CDH2: variants seen among roughly 807,000 people sequenced by gnomAD.
CDH2 encodes cadherin 2.
In CDH2, 17 loss-of-function variants were observed where a neutral mutation model predicts 92.0. The ratio of observed to expected loss-of-function variants is 0.18; its 90% CI spans 0.13 to 0.28. The LOEUF is 0.28. Ranked by LOEUF, CDH2 falls within the 10% of genes least tolerant of loss-of-function variation. The pLI, the probability that CDH2 is intolerant of heterozygous loss-of-function variation, is 1.00. For missense variants in CDH2, 862 were observed against 1,133.1 expected (o/e 0.76, Z 3.44); for synonymous variants, 419 against 415.9 (o/e 1.01, Z -0.09).
chr18:28,161,928 G>A (rs1426591944), intron 1 of CDH2, among the ~76,000 whole-genome samples: 1 of 152,128 alleles, frequency 6.6e-6, no homozygotes, highest in African/African-American at 2.4e-5. Context: ...TGCAAATATT[G>A]TTAAGCTATA....
At position 27,993,469 on chromosome 18, in the gene CDH2, CA is replaced by C. The variant is rs780032271; in HGVS notation, c.1158+30del. On this transcript the variant is annotated intron_variant, in intron 8 of 15. Transcript: ENST00000269141. Reference sequence around the variant, plus strand: ...CCTTCTCAGTAACGAACTACAGACCCAAAGTTGTGTGAGTGACAGGCTGTAC... The same window carrying C: ...CCTTCTCAGTAACGAACTACAGACCCAAGTTGTGTGAGTGACAGGCTGTAC... 5 of 1,601,828 alleles carry C rather than the reference CA, an allele frequency of 3.1e-6. No homozygotes were observed. In the South Asian group the frequency reaches 5.6e-5, roughly 18 times the overall value.
rs752851015 is a variant in CDH2 at position 27,985,247 on chromosome 18, G to A, written c.1976-14C>T. The A allele has an allele frequency of 1.4e-6, 2 of 1,452,240 alleles. No individual in the cohort carries two copies. Among genetic ancestry groups the A allele is most frequent in the Admixed American group, 3.4e-5 (2 of 58,458 alleles). 90.0% of individuals were successfully genotyped at this position (1,452,240 alleles called of 1,614,324 possible). On this transcript the variant is annotated splice_polypyrimidine_tract_variant and intron_variant, in intron 12 of 15. Coordinates refer to ENST00000269141, the MANE Select transcript of CDH2 (RefSeq NM_001792.5). ...GAGCAAAATCACCTATATGAAAAAG[G>A]AAAAACATAGTTTGATAGGTAATAC...
At chr18:27,964,599 A>G (rs557292514) in intron 14 of CDH2, among the ~76,000 whole-genome samples, 3 of 152,282 alleles carry the variant, frequency 2.0e-5, no homozygotes, top group Middle Eastern at 3.4e-3. Context: ...AGTTATCTCT[A>G]GAGTGATTTT....
In CDH2 at chr18:28,009,726, G is replaced by A. The variant is rs777849720; in HGVS notation, c.693C>T (p.Ala231=). 5 of 1,613,514 alleles carry A rather than the reference G, an allele frequency of 3.1e-6. No individual in the cohort carries two copies. The highest frequency in any genetic ancestry group is 1.1e-5 in the South Asian group (1 of 91,014). The change falls in exon 5 of 16, where the codon GCC becomes GCT. Residue 231 remains alanine (A), a synonymous_variant. Transcript: ENST00000269141. ...CTGGTTGGAATCTTACATGAAACCG[G>A]GCTATCTGCTCGCGATCCAGGGGCT... The part of the protein sequence containing the change: ...VTKPLDREQI[A]RFHLRAHAVD...
intron 1 of CDH2, among the ~76,000 whole-genome samples, chr18:28,162,535 C>T (rs1450124595): frequency 6.6e-6 from 1 of 152,082 alleles, no homozygotes; most frequent in Non-Finnish European, 1.5e-5. Flanking sequence ...GGTAGCCTAT[C>T]CTGCATCTGG....
At chr18:28,161,185 T>C (rs2016301306) in intron 1 of CDH2, among the ~76,000 whole-genome samples, 1 of 152,194 alleles carries the variant, frequency 6.6e-6, no homozygotes, top group African/African-American at 2.4e-5. Context: ...AGAAACAATT[T>C]CACCTGGATG....
At chr18:27,954,926 C>T (rs894965188) in intron 15 of CDH2, among the ~76,000 whole-genome samples, 1 of 152,114 alleles carries the variant, frequency 6.6e-6, no homozygotes, top group Non-Finnish European at 1.5e-5. Context: ...TAACCAACAG[C>T]GGATTGCCTT....
chr18:28,007,168 ATAT>A (rs1567961279), intron 5 of CDH2, among the ~76,000 whole-genome samples: 24 of 130,082 alleles, frequency 1.8e-4, no homozygotes, highest in African/African-American at 5.7e-4. Flanking sequence ...AAAAAAAAAT[ATAT>A]ATATATATAT....
chr18:28,106,295 T>C (rs1171140450), intron 2 of CDH2, among the ~76,000 whole-genome samples: 5 of 152,072 alleles, frequency 3.3e-5, no homozygotes, highest in Non-Finnish European at 7.4e-5. Flanking sequence ...TGTGCACCTG[T>C]AGTCCCAGCT....
intron 15 of CDH2, among the ~76,000 whole-genome samples, chr18:27,958,347 A>G (rs1017814507): frequency 2.6e-5 from 4 of 152,076 alleles, no homozygotes; most frequent in Non-Finnish European, 5.9e-5. Context: ...GTTTTAAACA[A>G]TATTAATGAA....
chr18:27,936,667 C>T (rs1002916218), intron 6 of CDH2, among the ~76,000 whole-genome samples: 9 of 152,158 alleles, frequency 5.9e-5, no homozygotes, highest in Non-Finnish European at 1.3e-4. Flanking sequence ...GTAGCTGAGA[C>T]TTCAGACATG....
intron 2 of CDH2, among the ~76,000 whole-genome samples, chr18:28,132,054 G>C (rs1207155392): frequency 6.6e-6 from 1 of 152,126 alleles, no homozygotes; most frequent in Non-Finnish European, 1.5e-5. Context: ...AAAAAGCACA[G>C]CAGTATGGAC....
intron 2 of CDH2, among the ~76,000 whole-genome samples, chr18:28,075,148 A>G (rs1237482250): frequency 1.3e-5 from 2 of 152,164 alleles, no homozygotes; most frequent in Non-Finnish European, 2.9e-5. Context: ...ATACAACATG[A>G]AGTAAGACAC....
chr18:28,097,335 C>T (rs916040642), intron 2 of CDH2: 1 of 150,462 alleles, frequency 6.6e-6, no homozygotes, highest in African/African-American at 2.5e-5. Flanking sequence ...TTACAATATT[C>T]CAAAGGAAAT....
At chr18:27,971,731 A>G (rs2011665680) in intron 14 of CDH2, among the ~76,000 whole-genome samples, 1 of 152,162 alleles carries the variant, frequency 6.6e-6, no homozygotes, top group Admixed American at 6.5e-5. Flanking sequence ...AATATATAAC[A>G]GTGTTTGCAG....
chr18:28,004,632 A>C (rs2012863216), intron 6 of CDH2, among the ~76,000 whole-genome samples: 2 of 152,208 alleles, frequency 1.3e-5, no homozygotes, highest in African/African-American at 4.8e-5. Context: ...AAATAATATA[A>C]AAAAATTTCC....
At chr18:28,132,617 C>A (rs1346388245) in intron 2 of CDH2, among the ~76,000 whole-genome samples, 1 of 152,164 alleles carries the variant, frequency 6.6e-6, no homozygotes, top group Non-Finnish European at 1.5e-5. Flanking sequence ...TTTGATGCTT[C>A]ATCCCTAGAA....
At chr18:28,051,402 G>A (rs1287955837) in intron 2 of CDH2, among the ~76,000 whole-genome samples, 1 of 152,112 alleles carries the variant, frequency 6.6e-6, no homozygotes, top group East Asian at 1.9e-4. Flanking sequence ...ATAATTAATA[G>A]GATGGTGTTA....
At chr18:28,040,634 A>T (rs1307602557) in intron 2 of CDH2, among the ~76,000 whole-genome samples, 1 of 152,214 alleles carries the variant, frequency 6.6e-6, no homozygotes, top group Non-Finnish European at 1.5e-5. Context: ...CAAACAATAT[A>T]AAGTAGATGC....
Sources: gnomAD v4.1 joint callset for allele counts (sites outside exome capture counted in the v4.1 genomes callset) on GRCh38, gnomAD v4.1.1 for gene constraint, MANE v1.5 for transcripts, NCBI Gene and HGNC (gene_info 2026-07-23, HGNC 2026-07-21) for gene names.